EML4: variants seen among roughly 807,000 people sequenced by gnomAD.
The protein encoded by EML4 is echinoderm microtubule-associated protein-like 4.
In EML4, 72 loss-of-function variants were observed where a neutral mutation model predicts 129.0. The observed-to-expected ratio is 0.56, with a 90% CI of 0.46 to 0.68. The LOEUF is 0.68. EML4 is among the 30% of genes least tolerant of loss of function. The pLI is 0.00. For missense variants in EML4, 1,363 were observed against 1,190.6 expected, an observed-to-expected ratio of 1.14 and a Z score of -2.13; for synonymous variants, 532 against 405.0, an observed-to-expected ratio of 1.31 and a Z score of -3.77.
intron 1 of EML4, among the ~76,000 whole-genome samples, chr2:42,243,005 T>A (rs1301583593): frequency 6.6e-6 from 1 of 152,120 alleles, no homozygotes; most frequent in Admixed American, 6.5e-5. Flanking sequence ...CTCGAACTCC[T>A]GGGATCAAGC....
chr2:42,305,203 G>A (rs112751486), intron 17 of EML4, among the ~76,000 whole-genome samples: 1 of 152,132 alleles, frequency 6.6e-6, no homozygotes, highest in Non-Finnish European at 1.5e-5. Flanking sequence ...CTTGAGGCCA[G>A]GAGTTTGAGA....
chr2:42,205,227 A>AT (rs1259657531), intron 1 of EML4, among the ~76,000 whole-genome samples: 2 of 152,230 alleles, frequency 1.3e-5, no homozygotes, highest in Non-Finnish European at 2.9e-5. Context: ...GAATTTTAGT[A>AT]TAAGTTGGCT....
At chr2:42,248,137 T>TA (rs1348204326) in intron 2 of EML4, among the ~76,000 whole-genome samples, 1 of 152,104 alleles carries the variant, frequency 6.6e-6, no homozygotes, top group African/African-American at 2.4e-5. Flanking sequence ...CATGCCCTGC[T>TA]AAAACCTTTT....
At chr2:42,181,617 G>A (rs775263622) in intron 1 of EML4, among the ~76,000 whole-genome samples, 1 of 151,986 alleles carries the variant, frequency 6.6e-6, no homozygotes, top group Non-Finnish European at 1.5e-5. Context: ...TTTTTTGATG[G>A]GTTATAGTCC....
At chr2:42,227,921 G>A (rs1486680306) in intron 1 of EML4, among the ~76,000 whole-genome samples, 1 of 152,062 alleles carries the variant, frequency 6.6e-6, no homozygotes, top group Non-Finnish European at 1.5e-5. Context: ...TTTGTAGGGA[G>A]TCAAAAATTA....
intron 11 of EML4, among the ~76,000 whole-genome samples, chr2:42,293,087 T>A (rs544054546): frequency 6.6e-6 from 1 of 152,260 alleles, no homozygotes; most frequent in East Asian, 1.9e-4. Flanking sequence ...ACAAGCAAGA[T>A]GTGCTGTACT....
Position 42,304,464 on chromosome 2 carries a change from G to A in EML4, c.1900-20G>A. 1 of 1,610,746 alleles carries A rather than the reference G, an allele frequency of 6.2e-7. No individual in the cohort carries two copies. The highest frequency in any genetic ancestry group is 1.1e-5 in the South Asian group (1 of 90,972). On this transcript the variant is annotated intron_variant, in intron 16 of 22. Coordinates refer to ENST00000318522, the MANE Select transcript of EML4 (RefSeq NM_019063.5). ...AGACTTTCTCATGTACTCCCCAACA[G>A]CTGTCTGTCTCTTTTCTAGGAACCA...
In EML4 at chr2:42,309,447, A is replaced by AAT. The variant is rs1553393058; in HGVS notation, c.1967+4896_1967+4897insAT. Among the ~76,000 whole-genome samples, 8 of 142,554 alleles carry AAT rather than the reference A, an allele frequency of 5.6e-5. No homozygotes were observed. In the East Asian group the frequency reaches 6.3e-4, roughly 11 times the overall value. 93.5% of individuals were successfully genotyped at this position (142,554 alleles called of 152,430 possible). ...CAACCACCACAAAAAAAAAAAAAAAATTTTTTTTTTTTTGTTTAGGAACTA... is the reference window on the plus strand; with the variant it reads ...CAACCACCACAAAAAAAAAAAAAAAAATTTTTTTTTTTTTTGTTTAGGAACTA... On this transcript the variant is annotated intron_variant, in intron 17 of 22. Coordinates refer to ENST00000318522, the MANE Select transcript of EML4 (RefSeq NM_019063.5).
At chr2:42,200,448 A>T (rs1460872581) in intron 1 of EML4, among the ~76,000 whole-genome samples, 1 of 152,364 alleles carries the variant, frequency 6.6e-6, no homozygotes, top group East Asian at 1.9e-4. Flanking sequence ...TGAATTTGGC[A>T]TAAATGCTTT....
intron 6 of EML4, among the ~76,000 whole-genome samples, chr2:42,277,655 G>A (rs1210054791): frequency 2.1e-5 from 3 of 142,260 alleles, no homozygotes; most frequent in African/African-American, 2.7e-5. Context: ...TGCAACCCCC[G>A]CCTCCCAGGT....
chr2:42,234,786 TTAA>T (rs1674555899), intron 1 of EML4, among the ~76,000 whole-genome samples: 1 of 152,232 alleles, frequency 6.6e-6, no homozygotes, highest in South Asian at 2.1e-4. Flanking sequence ...AGTGCCTGTC[TTAA>T]TAATACATCA....
chr2:42,308,782 T>C (rs1668762988), intron 17 of EML4, among the ~76,000 whole-genome samples: 1 of 151,524 alleles, frequency 6.6e-6, no homozygotes, highest in African/African-American at 2.4e-5. Context: ...ACTGACCCAC[T>C]TTCTGTTTTT....
intron 1 of EML4, among the ~76,000 whole-genome samples, chr2:42,243,995 C>T (rs376229100): frequency 5.6e-5 from 6 of 107,600 alleles, no homozygotes; most frequent in East Asian, 6.5e-4. Flanking sequence ...TGTAAGCCAA[C>T]GGTGTTTTTA....
chr2:42,293,130 G>A (rs1667746616), intron 11 of EML4, among the ~76,000 whole-genome samples: 1 of 150,226 alleles, frequency 6.7e-6, no homozygotes, highest in African/African-American at 2.5e-5. Context: ...TCTTTTTTTG[G>A]TCAGGGTCTC....
intron 1 of EML4, among the ~76,000 whole-genome samples, chr2:42,198,914 G>A (rs1390498976): frequency 6.6e-6 from 1 of 152,166 alleles, no homozygotes; most frequent in East Asian, 1.9e-4. Context: ...AAATGTTCTG[G>A]TATTGGTGGA....
At chr2:42,326,357 C>A in intron 21 of EML4, 105 bp downstream of exon 21, 1 of 733,598 alleles carries the variant, frequency 1.4e-6, no homozygotes, top group Non-Finnish European at 2.2e-6. Context: ...TATTCTTTAG[C>A]TTTATCACTA....
intron 20 of EML4, 68 bp downstream of exon 20, chr2:42,325,622 A>T (rs966597705): frequency 2.7e-5 from 3 of 111,000 alleles, no homozygotes; most frequent in African/African-American, 6.6e-5. Context: ...ATATATATAT[A>T]TATATATATA....
chr2:42,269,264 T>A (rs997419503), intron 6 of EML4, among the ~76,000 whole-genome samples: 4 of 152,200 alleles, frequency 2.6e-5, no homozygotes, highest in Non-Finnish European at 5.9e-5. Flanking sequence ...AATTTAAAAA[T>A]AAATAAAACG....
rs578241016 is a variant in EML4, at chr2:42,218,565, C to A, written c.26-26940C>A. Among the ~76,000 whole-genome samples, 8 of 152,152 alleles carry A rather than the reference C, an allele frequency of 5.3e-5. 1 individual carries two copies. In the East Asian group the frequency reaches 1.5e-3, roughly 29 times the overall value. On this transcript the variant is annotated intron_variant, in intron 1 of 22. Transcript: ENST00000318522. The stretch of plus-strand genomic sequence containing the variant: ...TGTACTTGAGAATTACTACTTGGAT[C>A]TCTCATGTATATGGATCTTCCTGAG...
Sources: gnomAD v4.1 joint callset for allele counts (sites outside exome capture counted in the v4.1 genomes callset) on GRCh38, gnomAD v4.1.1 for gene constraint, MANE v1.5 for transcripts, NCBI Gene and HGNC (gene_info 2026-07-23, HGNC 2026-07-21) for gene names.